The following TBATA variants were observed in gnomAD, a reference collection of about 807,000 sequenced individuals.
TBATA encodes the protein thymus, brain and testes associated.
TBATA carries 47 observed loss-of-function variants against 38.7 expected under a neutral mutation model. The ratio of observed to expected loss-of-function variants is 1.21; its 90% confidence interval spans 0.96 to 1.55. TBATA has a LOEUF of 1.55. Among genes scored for constraint, TBATA ranks in the 40% most tolerant of loss-of-function variants. The probability of loss-of-function intolerance (pLI) is 0.00; values close to 1 mark genes in which losing one functional copy is unlikely to be tolerated. For missense variants in TBATA, 436 were observed against 435.6 expected, an observed-to-expected ratio of 1.00 and a Z score of -0.01; for synonymous variants, 183 against 170.5, an observed-to-expected ratio of 1.07 and a Z score of -0.57.
intron 4 of TBATA, among the ~76,000 whole-genome samples, chr10:70,780,025 T>C (rs981315400): frequency 6.6e-6 from 1 of 152,200 alleles, no homozygotes; most frequent in Non-Finnish European, 1.5e-5. Flanking sequence ...CCCCTAGTCC[T>C]GGGGATCTTC....
Position 70,771,294 on chromosome 10 carries a change from G to A in TBATA, c.*82C>T. ...TTTTCACGGTAGGGAATCAGGTACT[G>A]CTGTGAAGGTGGTGGAGACAGAAAC... On this transcript the variant is annotated 3_prime_UTR_variant, in exon 11 of 11. Transcript: ENST00000456372. 6.2e-7 allele frequency: 1 copy of A among 1,613,022 alleles called. No homozygotes were observed. The highest frequency in any genetic ancestry group is 8.5e-7 in the Non-Finnish European group (1 of 1,179,278).
At chr10:70,771,647 C>A (rs1313108266) in intron 10 of TBATA, among the ~76,000 whole-genome samples, 186 bp from the exon 11 acceptor site, 1 of 152,190 alleles carries the variant, frequency 6.6e-6, no homozygotes, top group East Asian at 1.9e-4. Flanking sequence ...AATCCAACCT[C>A]TCTTCTTTCA....
intron 7 of TBATA, among the ~76,000 whole-genome samples, chr10:70,776,153 C>T (rs1282564210): frequency 3.3e-5 from 5 of 152,152 alleles, no homozygotes; most frequent in Non-Finnish European, 5.9e-5. Context: ...TGGAGGGGCC[C>T]GTCGGTCCCC....
intron 5 of TBATA, among the ~76,000 whole-genome samples, chr10:70,779,328 C>T (rs977015854): frequency 6.6e-6 from 1 of 152,242 alleles, no homozygotes; most frequent in Non-Finnish European, 1.5e-5. Context: ...GCAGGCTCAA[C>T]ATCTGCTTGC....
rs761894878 is a variant in TBATA at position 70,777,297 on chromosome 10, T to C, written c.549A>G (p.Ala183=). Residue 183 remains alanine (A), a synonymous_variant, in exon 7 of 11, where the codon GCA becomes GCG. Coordinates refer to ENST00000456372, the MANE Select transcript of TBATA (RefSeq NM_001318241.2). Reference sequence around the variant, plus strand: ...GCCTCCCAGTCTCTGCTGAGTACTTTGCCCCCTGCTCCCGCAGAGGCTCCT... The same window carrying C: ...GCCTCCCAGTCTCTGCTGAGTACTTCGCCCCCTGCTCCCGCAGAGGCTCCT... ...QKEEPLREQG[A]KYSAETGRLI... 6 of 1,613,658 alleles carry C rather than the reference T, an allele frequency of 3.7e-6. No homozygotes were observed. In the Admixed American group the frequency reaches 1.0e-4, roughly 27 times the overall value.
intron 7 of TBATA, among the ~76,000 whole-genome samples, chr10:70,776,148 G>C (rs560953887): frequency 2.7e-3 from 412 of 152,266 alleles, no homozygotes; most frequent in African/African-American, 9.6e-3. Context: ...GGACCTGGAG[G>C]GGCCCGTCGG....
intron 5 of TBATA, chr10:70,778,839 G>A (rs13376790): frequency 0.081 from 53,052 of 657,824 alleles, 2,558 homozygotes; most frequent in East Asian, 0.2. Flanking sequence ...GGTGGGGTGC[G>A]GGGGTGGGGC....
At chr10:70,783,241 C>T in intron 3 of TBATA, 98 bp downstream of exon 3, 1 of 1,391,934 alleles carries the variant, frequency 7.2e-7, no homozygotes. Context: ...CTCTCTTGGA[C>T]TCCTAATCTG....
rs565888708 is a variant in TBATA, at chr10:70,778,773, G to T, written c.428-137C>A. 3 of 790,352 alleles carry T rather than the reference G, an allele frequency of 3.8e-6. No individual in the cohort carries two copies. The South Asian group carries it at 4.2e-5, about 11-fold the overall frequency. The allele number at this position is 790,352 out of a possible 1,614,324, so 49.0% of individuals were successfully genotyped here. A position where few individuals can be genotyped will look rare whatever the true frequency, so the allele number is the denominator to read the frequency against. ...GATCTTAAAGGGAAAGGGGGAGGCG[G>T]TGCCCTGGAGGGAGAAGGATCTGGA... is the stretch of plus-strand genomic sequence containing the variant. On this transcript the variant is annotated intron_variant, in intron 5 of 10. Transcript: ENST00000456372.
rs369283142 is a variant in TBATA, at chr10:70,777,309, C to T, written c.537G>A (p.Arg179=). 5.1e-5 allele frequency: 83 copies of T among 1,613,648 alleles called. No individual in the cohort carries two copies. The Middle Eastern group carries it at 1.5e-3, about 29-fold the overall frequency. ...CTGCTGAGTACTTTGCCCCCTGCTC[C>T]CGCAGAGGCTCCTCCTTCTGCTCCT... ...EQKEQKEEPL[R]EQGAKYSAET... The change falls in exon 7 of 11, where the codon CGG becomes CGA. Residue 179 remains arginine (R), a synonymous_variant. Transcript: ENST00000456372.
At chr10:70,784,542 C>T (rs1046623020) in intron 2 of TBATA, 105 bp downstream of exon 2, 3 of 152,222 alleles carry the variant, frequency 2.0e-5, no homozygotes, top group South Asian at 4.2e-4. Context: ...CAATGCCAGC[C>T]TTCATCAGGT....
chr10:70,781,658 G>T, intron 4 of TBATA, 143 bp downstream of exon 4: 1 of 798,110 alleles, frequency 1.3e-6, no homozygotes, highest in Non-Finnish European at 2.0e-6. Context: ...TCCTGGCTGG[G>T]TTCTTTGGCA....
intron 2 of TBATA, among the ~76,000 whole-genome samples, chr10:70,784,049 A>G (rs1381272464): frequency 6.6e-6 from 1 of 152,210 alleles, no homozygotes; most frequent in Admixed American, 6.5e-5. Context: ...TCTTTCATAA[A>G]TGGTTTAGTT....
chr10:70,775,494 A>G (rs11594874), intron 7 of TBATA, among the ~76,000 whole-genome samples: 82,072 of 152,108 alleles, frequency 0.54, 23,413 homozygotes, highest in African/African-American at 0.74. Context: ...AAGATTCTTA[A>G]TCTTCCTGCT....
chr10:70,782,145 A>T, intron 3 of TBATA, 109 bp from the exon 4 acceptor site: 1 of 1,319,866 alleles, frequency 7.6e-7, no homozygotes, highest in Non-Finnish European at 1.0e-6. Context: ...GGAGCTCTGA[A>T]ATCTGGTTTC....
chr10:70,771,245 G>T lies in TBATA; in HGVS notation c.*131C>A. The stretch of plus-strand genomic sequence containing the variant: ...GAAAGCAGAACTGTCCTCTCTCAGG[G>T]AAGACGGTTTTATTTAGTAAGAGTT... On this transcript the variant is annotated 3_prime_UTR_variant, in exon 11 of 11. Transcript: ENST00000456372. 1 of 1,588,940 alleles carries T rather than the reference G, an allele frequency of 6.3e-7. No individual in the cohort carries two copies. The highest frequency in any genetic ancestry group is 1.1e-5 in the South Asian group (1 of 88,486).
At chr10:70,783,558 A>G in intron 2 of TBATA, 33 bp from the exon 3 acceptor site, 1 of 651,638 alleles carries the variant, frequency 1.5e-6, no homozygotes, top group Middle Eastern at 4.2e-4. Context: ...ATCTTTTAAA[A>G]TTGAGCATTT....
chr10:70,784,969 T>G (rs534517072), intron 1 of TBATA, among the ~76,000 whole-genome samples, 196 bp from the exon 2 acceptor site: 2 of 152,280 alleles, frequency 1.3e-5, no homozygotes, highest in East Asian at 3.9e-4. Flanking sequence ...CTATTTTTGG[T>G]TTTTATTTCT....
intron 8 of TBATA, among the ~76,000 whole-genome samples, chr10:70,774,851 T>G (rs773423588): frequency 7.0e-4 from 106 of 152,200 alleles, no homozygotes; most frequent in South Asian, 2.1e-3. Flanking sequence ...TGTGTGTGTG[T>G]GGGGGTCTCC....
Sources: gnomAD v4.1 joint callset for allele counts (sites outside exome capture counted in the v4.1 genomes callset) on GRCh38, gnomAD v4.1.1 for gene constraint, MANE v1.5 for transcripts, NCBI Gene and HGNC (gene_info 2026-07-23, HGNC 2026-07-21) for gene names.